Variants in RLF observed in about 807,000 individuals in gnomAD.
RLF encodes RLF zinc finger, also known as zinc finger protein Rlf.
Under a neutral mutation model 162.9 loss-of-function variants are expected in RLF, and 7 were observed. The ratio of observed to expected loss-of-function variants is 0.04; its 90% CI spans 0.02 to 0.08. The LOEUF (loss-of-function observed/expected upper bound fraction) is 0.08, where lower values mean the gene tolerates loss of function less well. Among genes scored for constraint, RLF ranks in the 10% least tolerant of loss-of-function variants. RLF has a pLI of 1.00. For missense variants in RLF, 1,664 were observed against 2,244.7 expected (o/e 0.74, Z 5.23); for synonymous variants, 782 against 791.5 (o/e 0.99, Z 0.20).
At chr1:40,164,771 G>A (rs1479634776) in intron 1 of RLF, among the ~76,000 whole-genome samples, 1 of 152,014 alleles carries the variant, frequency 6.6e-6, no homozygotes, top group Non-Finnish European at 1.5e-5. Context: ...AAATTATTGA[G>A]TGATTATGTG....
intron 5 of RLF, among the ~76,000 whole-genome samples, chr1:40,219,003 G>A (rs1340144928): frequency 2.0e-5 from 3 of 152,120 alleles, no homozygotes; most frequent in Admixed American, 1.3e-4. Context: ...AGTATAAGAT[G>A]TTTCCTAGAT....
At chr1:40,181,315 AG>A (rs988864448) in intron 1 of RLF, among the ~76,000 whole-genome samples, 4 of 152,194 alleles carry the variant, frequency 2.6e-5, no homozygotes, top group African/African-American at 9.7e-5. Context: ...CTGTAGTCCC[AG>A]GTACTTGGGA....
chr1:40,198,301 CTTT>C (rs34816285), intron 4 of RLF, among the ~76,000 whole-genome samples: 47 of 123,762 alleles, frequency 3.8e-4, no homozygotes, highest in Admixed American at 6.0e-4. Context: ...CGCCCGGCCT[CTTT>C]TTTTTTTTTT....
At chr1:40,209,929 T>C (rs1304765178) in intron 5 of RLF, among the ~76,000 whole-genome samples, 2 of 151,750 alleles carry the variant, frequency 1.3e-5, no homozygotes, top group Non-Finnish European at 2.9e-5. Context: ...ACCTGTATGC[T>C]AATTTATTTA....
chr1:40,181,922 GT>G (rs1252524711), intron 1 of RLF, among the ~76,000 whole-genome samples: 1 of 152,080 alleles, frequency 6.6e-6, no homozygotes, highest in Non-Finnish European at 1.5e-5. Flanking sequence ...TAGATAAGGG[GT>G]GCTCATTTTA....
intron 6 of RLF, 125 bp downstream of exon 6, chr1:40,222,835 C>A (rs1643016762): frequency 1.5e-6 from 1 of 686,164 alleles, no homozygotes; most frequent in South Asian, 2.1e-5. Flanking sequence ...TTCTTGCTTC[C>A]ACACACAATC....
chr1:40,231,268 G>C (rs1346093272), intron 6 of RLF, among the ~76,000 whole-genome samples: 2 of 152,188 alleles, frequency 1.3e-5, no homozygotes, highest in East Asian at 3.8e-4. Flanking sequence ...AAATGCCACT[G>C]TTAAGGAGGT....
rs189979960 is a variant in RLF at position 40,221,966 on chromosome 1, A to G, written c.811-608A>G. ...AAAATTTGATTGATTTGTCCAGAGG[A>G]TTTTTATTTGTTTTTTGTTTGTTTT... On this transcript the variant is annotated intron_variant, in intron 5 of 7. Transcript: ENST00000372771. 2.1e-4 allele frequency among the ~76,000 whole-genome samples: 31 copies of G among 150,110 alleles called. 1 individual carries two copies. In the East Asian group the frequency reaches 4.9e-3, roughly 24 times the overall value.
intron 5 of RLF, among the ~76,000 whole-genome samples, chr1:40,204,975 T>G (rs1457554159): frequency 2.0e-5 from 3 of 152,192 alleles, no homozygotes; most frequent in Non-Finnish European, 4.4e-5. Flanking sequence ...TTACTAGAGA[T>G]AAATTATATC....
intron 1 of RLF, among the ~76,000 whole-genome samples, chr1:40,180,253 C>A (rs975752545): frequency 6.6e-6 from 1 of 151,962 alleles, no homozygotes; most frequent in Non-Finnish European, 1.5e-5. Flanking sequence ...TTTTTCTGTT[C>A]TTTACTTTTC....
chr1:40,207,084 T>C (rs1200889497), intron 5 of RLF, among the ~76,000 whole-genome samples: 4 of 152,242 alleles, frequency 2.6e-5, no homozygotes, highest in African/African-American at 4.8e-5. Flanking sequence ...CTAGGCATCA[T>C]ATTTGATTAT....
chr1:40,232,822 A>G (rs902912436), intron 7 of RLF, among the ~76,000 whole-genome samples: 30 of 152,292 alleles, frequency 2.0e-4, no homozygotes, highest in East Asian at 3.9e-4. Context: ...CTCCCGTCTC[A>G]GCCTCCAGAG....
At chr1:40,164,618 G>C (rs906530049) in intron 1 of RLF, among the ~76,000 whole-genome samples, 2 of 152,066 alleles carry the variant, frequency 1.3e-5, no homozygotes, top group African/African-American at 4.8e-5. Context: ...GTCTTTCTTT[G>C]TTTTCTTGAA....
intron 1 of RLF, among the ~76,000 whole-genome samples, chr1:40,171,416 A>G (rs1376155297): frequency 6.6e-6 from 1 of 152,202 alleles, no homozygotes; most frequent in East Asian, 1.9e-4. Context: ...GACATTTGTT[A>G]TAAGAATTGT....
chr1:40,220,970 TAAAA>T (rs750563466), intron 5 of RLF, among the ~76,000 whole-genome samples: 2 of 101,826 alleles, frequency 2.0e-5, no homozygotes, highest in Non-Finnish European at 4.2e-5. Flanking sequence ...CTACAAAAAT[TAAAA>T]AAAAAAAAAA....
Position 40,202,599 on chromosome 1 carries a change from A to C in RLF, c.795A>C (p.Glu265Asp). 1.3e-6 allele frequency: 2 copies of C among 1,528,188 alleles called. No individual in the cohort carries two copies. Among genetic ancestry groups the C allele is most frequent in the Non-Finnish European group, 1.7e-6 (2 of 1,146,192 alleles). The allele number at this position is 1,528,188 out of a possible 1,614,324, so 94.7% of individuals were successfully genotyped here. A position where few individuals can be genotyped will look rare whatever the true frequency, so the allele number is the denominator to read the frequency against. Residue 265 changes from glutamate (E) to aspartate (D), a missense_variant, in exon 5 of 8, where the codon GAA becomes GAC. Glu to Asp is a conservative substitution (Grantham distance 45). Coordinates refer to ENST00000372771, the MANE Select transcript of RLF (RefSeq NM_012421.4). ...ITCLCSMLPN[E>D]DAIKEIAKVD... ...GTTTATGTTCTATGCTCCCTAATGA[A>C]GATGCTATTAAGGAGGTGAGTAAAT...
chr1:40,213,532 T>C (rs1570549170), intron 5 of RLF, among the ~76,000 whole-genome samples: 1 of 152,334 alleles, frequency 6.6e-6, no homozygotes, highest in East Asian at 1.9e-4. Flanking sequence ...TGGTCAGTAT[T>C]CTTTTTTCCC....
intron 3 of RLF, among the ~76,000 whole-genome samples, chr1:40,194,598 A>C (rs966243013): frequency 7.9e-5 from 12 of 151,234 alleles, no homozygotes; most frequent in East Asian, 1.9e-4. Flanking sequence ...AAAAAAAAAA[A>C]CCAACAAAAC....
intron 5 of RLF, among the ~76,000 whole-genome samples, chr1:40,218,030 A>G (rs576756383): frequency 5.9e-5 from 9 of 152,282 alleles, no homozygotes; most frequent in East Asian, 5.8e-4. Flanking sequence ...TAGGTTTTCT[A>G]TCGTAAATAT....
Sources: gnomAD v4.1 joint callset for allele counts (sites outside exome capture counted in the v4.1 genomes callset) on GRCh38, gnomAD v4.1.1 for gene constraint, MANE v1.5 for transcripts, NCBI Gene and HGNC (gene_info 2026-07-23, HGNC 2026-07-21) for gene names.